GPR135: variants seen among roughly 807,000 people sequenced by gnomAD.
GPR135 encodes G-protein coupled receptor 135.
GPR135 carries 17 observed loss-of-function variants against 15.0 expected under a neutral mutation model. The observed-to-expected ratio is 1.13, with a 90% CI of 0.78 to 1.70. The LOEUF is 1.70. GPR135 is among the 40% of genes most tolerant of loss of function. The pLI is 0.00. For missense variants in GPR135, 776 were observed against 727.0 expected, an observed-to-expected ratio of 1.07 and a Z score of -0.78; for synonymous variants, 368 against 349.4, an observed-to-expected ratio of 1.05 and a Z score of -0.59.
At chr14:59,455,912 T>C (rs1398776088), downstream of GPR135, among the ~76,000 whole-genome samples, 1 of 152,182 alleles carries the variant, frequency 6.6e-6, no homozygotes, top group Non-Finnish European at 1.5e-5. Context: ...AAACTTTCAG[T>C]TTTTCAATCT....
chr14:59,454,972 T>A (rs923295299), intron 6 of GPR135, among the ~76,000 whole-genome samples: 2 of 152,022 alleles, frequency 1.3e-5, no homozygotes, highest in Admixed American at 6.5e-5. Flanking sequence ...TGGTGGTGCA[T>A]GCCTGTAGTC....
chr14:59,458,179 A>G (rs1163221627), downstream of GPR135, among the ~76,000 whole-genome samples: 1 of 152,194 alleles, frequency 6.6e-6, no homozygotes, highest in African/African-American at 2.4e-5. Flanking sequence ...CAATAGCTTT[A>G]GTAGGGCTCT....
At position 59,462,257 on chromosome 14, in the gene GPR135, C is replaced by G. The variant is rs1242171971; in HGVS notation, c.*1485G>C. The stretch of plus-strand genomic sequence containing the variant: ...CTTGTTCAATTAAGGCTATGAAATA[C>G]TGAAGAAAAGGGGCAGGATGGAGGA... On this transcript the variant is annotated 3_prime_UTR_variant, in exon 1 of 1. Coordinates refer to ENST00000395116, the MANE Select transcript of GPR135 (RefSeq NM_022571.6). The G allele has an allele frequency of 6.6e-6, 1 of 151,992 alleles. No homozygotes were observed. The highest frequency in any genetic ancestry group is 1.5e-5 in the Non-Finnish European group (1 of 67,996). The allele number at this position is 151,992 out of a possible 1,614,324, so 9.4% of individuals were successfully genotyped here.
chr14:59,456,227 A>C (rs754685655), downstream of GPR135, among the ~76,000 whole-genome samples: 2 of 152,196 alleles, frequency 1.3e-5, no homozygotes, highest in Non-Finnish European at 2.9e-5. Context: ...AGTTAAAAAA[A>C]AACAACAAAC....
In GPR135 at chr14:59,465,182, T is replaced by A; in HGVS notation, c.45A>T (p.Leu15Phe). The change falls in exon 1 of 1, where the codon TTA becomes TTT. Residue 15 changes from leucine to phenylalanine, a missense_variant. Leu to Phe is a conservative substitution (Grantham distance 22). Coordinates refer to ENST00000395116, the MANE Select transcript of GPR135 (RefSeq NM_022571.6). ...GGGCGCCGGAGTGCTGGCTGCCCAGTAAGGCCATGCTCGCTGGTGGGCGGG... is the reference window on the plus strand; with the variant it reads ...GGGCGCCGGAGTGCTGGCTGCCCAGAAAGGCCATGCTCGCTGGTGGGCGGG... ...QPPRPPASMA[L>F]LGSQHSGAPS... 7.7e-7 allele frequency: 1 copy of A among 1,295,984 alleles called. No individual in the cohort carries two copies. The highest frequency in any genetic ancestry group is 9.7e-7 in the Non-Finnish European group (1 of 1,026,660). 80.3% of individuals were successfully genotyped at this position (1,295,984 alleles called of 1,614,324 possible). A position where few individuals can be genotyped will look rare whatever the true frequency, so the allele number is the denominator to read the frequency against.
At chr14:59,460,041 C>T (rs533639788), downstream of GPR135, among the ~76,000 whole-genome samples, 1 of 152,166 alleles carries the variant, frequency 6.6e-6, no homozygotes, top group East Asian at 1.9e-4. Flanking sequence ...AAGTCATATT[C>T]CAAGAGGTTA....
rs1566550455 is a variant in GPR135, at chr14:59,464,251, C to T, written c.976G>A (p.Glu326Lys). The part of the protein sequence containing the change: ...TYARVLRFFS[E>K]VRTATTVLIM... ...AGGACGGTGGTGGCCGTGCGCACCT[C>T]GCTGAAGAAGCGCAGCACGCGCGCG... Residue 326 changes from glutamate (E) to lysine (K), a missense_variant, in exon 1 of 1, where the codon GAG (glutamate) becomes AAG (lysine). Physicochemically the swap from Glu to Lys is moderately conservative, Grantham distance 56. Coordinates refer to ENST00000395116, the MANE Select transcript of GPR135 (RefSeq NM_022571.6). The T allele has an allele frequency of 6.2e-7, 1 of 1,611,964 alleles. No individual in the cohort carries two copies. Among genetic ancestry groups the T allele is most frequent in the South Asian group, 1.1e-5 (1 of 91,076 alleles).
At chr14:59,455,837 A>G (rs898050141), downstream of GPR135, 1 of 152,232 alleles carries the variant, frequency 6.6e-6, no homozygotes, top group African/African-American at 2.4e-5. Context: ...CACTTCTGCC[A>G]CATTCTGTTC....
At chr14:59,457,665 CTT>C (rs901134400), downstream of GPR135, among the ~76,000 whole-genome samples, 1 of 151,964 alleles carries the variant, frequency 6.6e-6, no homozygotes, top group African/African-American at 2.4e-5. Flanking sequence ...TTCCATGTTT[CTT>C]TTTTTATAAA....
chr14:59,456,583 T>C (rs568554792), downstream of GPR135: 47 of 152,370 alleles, frequency 3.1e-4, no homozygotes, highest in African/African-American at 1.1e-3. Flanking sequence ...TATTAAATTA[T>C]AAATGTACTT....
In GPR135 at chr14:59,464,113, C is replaced by T; in HGVS notation, c.1114G>A (p.Ala372Thr). The change falls in exon 1 of 1, where the codon GCC (alanine) becomes ACC (threonine). Residue 372 changes from alanine to threonine, a missense_variant. Physicochemically the swap from Ala to Thr is moderately conservative, Grantham distance 58. Transcript: ENST00000395116. ...MQAPSLLSVV[A>T]VWLTWANGAI... ...CCATTGGCCCAGGTCAGCCAGACGG[C>T]CACCACGCTGAGGAGCGAGGGGGCC... The T allele has an allele frequency of 6.2e-7, 1 of 1,611,374 alleles. No individual in the cohort carries two copies. Among genetic ancestry groups the T allele is most frequent in the Non-Finnish European group, 8.5e-7 (1 of 1,179,956 alleles).
In GPR135 at chr14:59,464,820, G is replaced by GTGCGGAGC. The variant is rs1235770169; in HGVS notation, c.399_406dup (p.Thr136SerfsTer103). 1.9e-6 allele frequency: 3 copies of GTGCGGAGC among 1,585,116 alleles called. No individual in the cohort carries two copies. The highest frequency in any genetic ancestry group is 2.6e-6 in the Non-Finnish European group (3 of 1,165,714). ...CGACAGGATGAAGGCGTTGGTGACG[G>GTGCGGAGC]TGCGGAGCTGCCGGTGCTTCACAAT... On this transcript the variant is annotated frameshift_variant, in exon 1 of 1. Coordinates refer to ENST00000395116, the MANE Select transcript of GPR135 (RefSeq NM_022571.6). LOFTEE classifies it high-confidence loss of function.
chr14:59,455,280 A>G (rs1888616249), intron 6 of GPR135, among the ~76,000 whole-genome samples: 3 of 152,158 alleles, frequency 2.0e-5, no homozygotes, highest in Admixed American at 2.0e-4. Flanking sequence ...CTGCGTCTTG[A>G]TTCCCATGTA....
rs901313878 is a variant in GPR135 at position 59,464,414 on chromosome 14, C to T, written c.813G>A (p.Ala271=). The T allele has an allele frequency of 3.8e-6, 6 of 1,589,310 alleles. No homozygotes were observed. The highest frequency in any genetic ancestry group is 3.4e-6 in the Non-Finnish European group (4 of 1,169,452). ...GCLYRTSPDP[A]QLGAAFSVGL... ...CCACGCTGAAGGCCGCGCCCAGCTG[C>T]GCGGGGTCCGGGGAGGTCCGGTAGA... is the stretch of plus-strand genomic sequence containing the variant. The change falls in exon 1 of 1, where the codon GCG becomes GCA. Residue 271 remains alanine, a synonymous_variant. Transcript: ENST00000395116.
downstream of GPR135, chr14:59,460,737 T>C (rs1042827988): frequency 2.6e-5 from 4 of 152,256 alleles, no homozygotes; most frequent in Non-Finnish European, 5.9e-5. Flanking sequence ...GGGAGCAGAA[T>C]AAAACATGAA....
chr14:59,464,238 G>T lies in GPR135; in HGVS notation c.989C>A (p.Ala330Asp). 6.2e-7 allele frequency: 1 copy of T among 1,611,572 alleles called. No individual in the cohort carries two copies. The highest frequency in any genetic ancestry group is 8.5e-7 in the Non-Finnish European group (1 of 1,179,916). ...GACGATCATGATGAGGACGGTGGTG[G>T]CCGTGCGCACCTCGCTGAAGAAGCG... ...VLRFFSEVRT[A>D]TTVLIMIVFV... The change falls in exon 1 of 1, where the codon GCC becomes GAC. Residue 330 changes from alanine to aspartate, a missense_variant. Coordinates refer to ENST00000395116, the MANE Select transcript of GPR135 (RefSeq NM_022571.6).
rs1430540629 is a variant in GPR135, at chr14:59,463,988, A to G, written c.1239T>C (p.Ala413=). The G allele has an allele frequency of 6.2e-7, 1 of 1,613,942 alleles. No individual in the cohort carries two copies. Among genetic ancestry groups the G allele is most frequent in the Non-Finnish European group, 8.5e-7 (1 of 1,180,050 alleles). Residue 413 remains alanine, a synonymous_variant, in exon 1 of 1, where the codon GCT becomes GCC. Transcript: ENST00000395116. The stretch of plus-strand genomic sequence containing the variant: ...GACCCGGGCCCTGGCTGGGCAGGAA[A>G]GCGTCCACATTCCTAGTCCGGTAGC... ...EEGYRTRNVD[A]FLPSQGPGLQ...
rs781070835 is a variant in GPR135, at chr14:59,463,930, G to C, written c.1297C>G (p.Arg433Gly). Residue 433 changes from arginine to glycine, a missense_variant, in exon 1 of 1, where the codon CGC becomes GGC. Transcript: ENST00000395116. Reference sequence around the variant, plus strand: ...CAGGCCCCCAGCCGGTTGGCATAGCGGTTTCGAAGGCGACTGCGGCTTCTG... The same window carrying C: ...CAGGCCCCCAGCCGGTTGGCATAGCCGTTTCGAAGGCGACTGCGGCTTCTG... ...QARSRSRLRN[R>G]YANRLGACNR... 1 of 1,613,922 alleles carries C rather than the reference G, an allele frequency of 6.2e-7. No homozygotes were observed. The highest frequency in any genetic ancestry group is 8.5e-7 in the Non-Finnish European group (1 of 1,179,982).
Position 59,462,954 on chromosome 14 carries a change from A to AATAAAAGTAACAGGTTAGAGTAAGG in GPR135, c.*763_*787dup, listed in dbSNP as rs1278509307. ...GAGCAGCATTCCAAAATTTATCAGA[A>AATAAAAGTAACAGGTTAGAGTAAGG]ATAAAAGTAACAGGTTAGAGTAAGG... On this transcript the variant is annotated 3_prime_UTR_variant, in exon 1 of 1. Transcript: ENST00000395116. 1.3e-5 allele frequency: 2 copies of AATAAAAGTAACAGGTTAGAGTAAGG among 152,218 alleles called. No individual in the cohort carries two copies. Among genetic ancestry groups the AATAAAAGTAACAGGTTAGAGTAAGG allele is most frequent in the East Asian group, 3.8e-4 (2 of 5,202 alleles). The allele number at this position is 152,218 out of a possible 1,614,324, so 9.4% of individuals were successfully genotyped here. A position where few individuals can be genotyped will look rare whatever the true frequency, so the allele number is the denominator to read the frequency against.
Sources: gnomAD v4.1 joint callset for allele counts (sites outside exome capture counted in the v4.1 genomes callset) on GRCh38, gnomAD v4.1.1 for gene constraint, MANE v1.5 for transcripts, NCBI Gene and HGNC (gene_info 2026-07-23, HGNC 2026-07-21) for gene names.